The following CSMD1 variants were observed in gnomAD, a reference collection of about 807,000 sequenced individuals.
CSMD1 encodes CUB and Sushi multiple domains 1.
A neutral mutation model predicts 417.5 loss-of-function variants in CSMD1; 213 were observed. The observed-to-expected ratio is 0.51, with a 90% CI of 0.46 to 0.57. The LOEUF (loss-of-function observed/expected upper bound fraction) is 0.57. Ranked by LOEUF, CSMD1 falls within the 20% of genes least tolerant of loss-of-function variation. The pLI is 0.00. For missense variants in CSMD1, 6,923 were observed against 4,529.7 expected (o/e 1.53, Z -15.17); for synonymous variants, 2,862 against 1,736.8 (o/e 1.65, Z -16.11).
chr8:4,204,331 A>T (rs1014686253), intron 3 of CSMD1, among the ~76,000 whole-genome samples: 18 of 152,134 alleles, frequency 1.2e-4, no homozygotes, highest in Non-Finnish European at 1.9e-4. Context: ...GTTTTTTAAA[A>T]ATGTCCTATT....
intron 10 of CSMD1, among the ~76,000 whole-genome samples, chr8:3,565,325 A>T (rs1281304417): frequency 6.8e-6 from 1 of 147,864 alleles, no homozygotes; most frequent in Admixed American, 6.6e-5. Context: ...AGAAAAGTGA[A>T]CAGGGCAGTT....
chr8:4,648,335 A>T (rs143018561), intron 1 of CSMD1, among the ~76,000 whole-genome samples: 3 of 152,238 alleles, frequency 2.0e-5, no homozygotes, highest in African/African-American at 7.2e-5. Flanking sequence ...GTCACTTAGG[A>T]TATAATGACA....
At chr8:3,060,693 C>T (rs958155893) in intron 49 of CSMD1, among the ~76,000 whole-genome samples, 1 of 152,042 alleles carries the variant, frequency 6.6e-6, no homozygotes, top group African/African-American at 2.4e-5. Flanking sequence ...GGTGATAGCC[C>T]CCATCATGCT....
chr8:4,446,160 T>C (rs902837892), intron 2 of CSMD1, among the ~76,000 whole-genome samples: 3 of 152,196 alleles, frequency 2.0e-5, no homozygotes, highest in African/African-American at 7.2e-5. Flanking sequence ...CTGAAACCCA[T>C]ACTTCATAAA....
chr8:3,949,148 C>G (rs1003397825), intron 5 of CSMD1, among the ~76,000 whole-genome samples: 2 of 152,140 alleles, frequency 1.3e-5, no homozygotes, highest in Admixed American at 6.5e-5. Flanking sequence ...TGTGGAATGG[C>G]TAAATTGAGC....
chr8:3,042,360 G>C (rs1347297626), intron 50 of CSMD1, among the ~76,000 whole-genome samples: 1 of 152,128 alleles, frequency 6.6e-6, no homozygotes, highest in African/African-American at 2.4e-5. Flanking sequence ...AGCCTCAGAA[G>C]AGAGAGGTGG....
At position 3,372,165 on chromosome 8, in the gene CSMD1, C is replaced by T. The variant is rs115342661; in HGVS notation, c.2783-2795G>A. Among the ~76,000 whole-genome samples the T allele has an allele frequency of 9.0e-3, 1,372 of 152,154 alleles. 20 individuals are homozygous for T. The highest frequency in any genetic ancestry group is 0.031 in the African/African-American group (1,295 of 41,498). On this transcript the variant is annotated intron_variant, in intron 18 of 69. Coordinates refer to ENST00000635120, the MANE Select transcript of CSMD1 (RefSeq NM_033225.6). ...CTTCTGGGTGGCCAGCGGTGCCGTA[C>T]TTAGGAAGTGGTCTATAAATAAGGA... is the stretch of plus-strand genomic sequence containing the variant.
chr8:4,136,800 T>G (rs556674897), intron 3 of CSMD1, among the ~76,000 whole-genome samples: 21 of 152,326 alleles, frequency 1.4e-4, no homozygotes, highest in Admixed American at 1.1e-3. Flanking sequence ...CAATAATTTG[T>G]AAGATTGTGA....
At chr8:4,749,051 TGTGC>T (rs58742403) in intron 1 of CSMD1, among the ~76,000 whole-genome samples, 23,987 of 148,880 alleles carry the variant, frequency 0.16, 2,150 homozygotes, top group African/African-American at 0.27. Flanking sequence ...TGTGTGCCTG[TGTGC>T]GTGTGTGTGT....
chr8:4,077,781 T>G (rs910294296), intron 3 of CSMD1, among the ~76,000 whole-genome samples: 3 of 152,226 alleles, frequency 2.0e-5, no homozygotes, highest in African/African-American at 7.2e-5. Context: ...ATTTTTCAGC[T>G]CATTCCAAAA....
At chr8:4,937,728 C>A (rs575895388) in intron 1 of CSMD1, among the ~76,000 whole-genome samples, 2 of 151,994 alleles carry the variant, frequency 1.3e-5, no homozygotes, top group Non-Finnish European at 2.9e-5. Context: ...TACGCCTGAG[C>A]AGAGTAAGAT....
At chr8:3,189,875 G>C (rs992319477) in intron 34 of CSMD1, 37 bp downstream of exon 34, 2 of 1,522,684 alleles carry the variant, frequency 1.3e-6, no homozygotes, top group Non-Finnish European at 8.9e-7. Flanking sequence ...CACCACCACA[G>C]AGTTCTGGCG....
intron 16 of CSMD1, 82 bp from the exon 17 acceptor site, chr8:3,396,463 T>C: frequency 1.0e-6 from 1 of 997,440 alleles, no homozygotes; most frequent in South Asian, 1.7e-5. Context: ...CATTCCTTAA[T>C]CAGAAACCCA....
intron 60 of CSMD1, 133 bp downstream of exon 60, chr8:2,963,089 G>A (rs941803961): frequency 1.0e-6 from 1 of 956,892 alleles, no homozygotes; most frequent in Admixed American, 2.3e-5. Context: ...TCTCAAGTTT[G>A]AGTTTTTGTG....
chr8:3,508,389 G>C (rs897877289), intron 10 of CSMD1, among the ~76,000 whole-genome samples: 1 of 151,872 alleles, frequency 6.6e-6, no homozygotes, highest in African/African-American at 2.4e-5. Context: ...GATAGCATTA[G>C]GAGATATACC....
chr8:4,210,657 A>G (rs1800251369), intron 3 of CSMD1, among the ~76,000 whole-genome samples: 1 of 152,218 alleles, frequency 6.6e-6, no homozygotes, highest in Non-Finnish European at 1.5e-5. Context: ...AAGAAAAAAA[A>G]ACACTTATCT....
At chr8:3,462,328 C>A (rs1816557296) in intron 12 of CSMD1, among the ~76,000 whole-genome samples, 1 of 152,196 alleles carries the variant, frequency 6.6e-6, no homozygotes, top group Non-Finnish European at 1.5e-5. Flanking sequence ...GGCAAGGGTT[C>A]CCAACCCCCA....
chr8:4,416,852 A>G (rs571140951), intron 3 of CSMD1, among the ~76,000 whole-genome samples: 5 of 152,098 alleles, frequency 3.3e-5, no homozygotes, highest in Non-Finnish European at 7.4e-5. Flanking sequence ...ATAAAAGAAG[A>G]AACATTACAC....
chr8:3,505,973 T>G (rs1192590505), intron 10 of CSMD1, among the ~76,000 whole-genome samples: 1 of 151,992 alleles, frequency 6.6e-6, no homozygotes, highest in East Asian at 1.9e-4. Context: ...AGGAAGAGGG[T>G]TGAGTGGATA....
Sources: allele counts gnomAD v4.1 joint callset (sites outside exome capture counted in the v4.1 genomes callset), GRCh38; gene constraint gnomAD v4.1.1; transcripts MANE v1.5; gene names NCBI Gene and HGNC (gene_info 2026-07-23, HGNC 2026-07-21).